NUP107: variants seen among roughly 807,000 people sequenced by gnomAD.
NUP107 encodes the protein nuclear pore complex protein Nup107.
Under a neutral mutation model 141.0 loss-of-function variants are expected in NUP107, and 101 were observed. That is an observed-to-expected ratio of 0.72 (90% CI 0.61 to 0.84). The LOEUF (loss-of-function observed/expected upper bound fraction) is 0.84, where lower values mean the gene tolerates loss of function less well. NUP107 is among the 40% of genes least tolerant of loss of function. The pLI is 0.00. For synonymous variants in NUP107, 319 were observed against 363.9 expected, an observed-to-expected ratio of 0.88 and a Z score of 1.41; for missense variants, 941 against 1,102.7, an observed-to-expected ratio of 0.85 and a Z score of 2.08.
chr12:68,698,374 C>G (rs1350245773), intron 6 of NUP107, among the ~76,000 whole-genome samples: 1 of 152,218 alleles, frequency 6.6e-6, no homozygotes, highest in East Asian at 1.9e-4. Flanking sequence ...ACAACTATAG[C>G]TACTTTGGAA....
At chr12:68,730,936 C>T (rs993408797) in intron 20 of NUP107, among the ~76,000 whole-genome samples, 174 bp from the exon 21 acceptor site, 1 of 152,190 alleles carries the variant, frequency 6.6e-6, no homozygotes, top group African/African-American at 2.4e-5. Context: ...CCACTGTACC[C>T]TAACCTGGGT....
chr12:68,719,529 G>T, intron 13 of NUP107, 49 bp from the exon 14 acceptor site: 3 of 1,563,906 alleles, frequency 1.9e-6, no homozygotes, highest in Non-Finnish European at 2.6e-6. Context: ...AGAAAGAATT[G>T]TAATAAGGTC....
chr12:68,733,332 G>T, intron 23 of NUP107, 120 bp from the exon 24 acceptor site: 2 of 824,006 alleles, frequency 2.4e-6, no homozygotes, highest in Non-Finnish European at 1.9e-6. Context: ...TTAACAGAGT[G>T]CCTTGGGCCC....
chr12:68,733,770 C>T (rs187899445), intron 24 of NUP107, among the ~76,000 whole-genome samples, 158 bp downstream of exon 24: 2 of 152,174 alleles, frequency 1.3e-5, no homozygotes, highest in African/African-American at 4.8e-5. Flanking sequence ...ACTTCATGAC[C>T]TTATCTTCAT....
chr12:68,722,288 CGAA>C (rs1386023521), intron 17 of NUP107, 136 bp downstream of exon 17: 9 of 667,520 alleles, frequency 1.3e-5, no homozygotes, highest in Admixed American at 3.7e-5. Context: ...TTCTTTGAAA[CGAA>C]GAAACTTAAT....
chr12:68,723,149 G>A (rs999010308), intron 17 of NUP107, among the ~76,000 whole-genome samples: 3 of 152,112 alleles, frequency 2.0e-5, no homozygotes, highest in Non-Finnish European at 2.9e-5. Context: ...CAAGATGGGA[G>A]GATCACTTGA....
intron 17 of NUP107, among the ~76,000 whole-genome samples, chr12:68,724,035 C>T (rs1877458049): frequency 1.3e-5 from 2 of 151,912 alleles, no homozygotes; most frequent in Admixed American, 1.3e-4. Context: ...AAGGGAAGAA[C>T]ATTTATATAT....
chr12:68,713,700 A>T (rs754490794), intron 10 of NUP107, 30 bp from the exon 11 acceptor site: 2 of 1,516,256 alleles, frequency 1.3e-6, no homozygotes, highest in Non-Finnish European at 1.8e-6. Flanking sequence ...ATTACCTCTT[A>T]AAAAATTTGG....
chr12:68,735,954 C>T (rs545337245), intron 26 of NUP107, among the ~76,000 whole-genome samples: 6 of 152,250 alleles, frequency 3.9e-5, no homozygotes, highest in African/African-American at 7.2e-5. Context: ...GGAACTGGAA[C>T]GTATGCTTGA....
intron 17 of NUP107, among the ~76,000 whole-genome samples, chr12:68,722,422 A>C (rs1877394504): frequency 6.6e-6 from 1 of 152,084 alleles, no homozygotes; most frequent in Non-Finnish European, 1.5e-5. Context: ...AATTATTAAG[A>C]CTTTATTTTC....
chr12:68,694,798 G>A (rs543842608), intron 5 of NUP107, among the ~76,000 whole-genome samples: 1 of 152,338 alleles, frequency 6.6e-6, no homozygotes, highest in East Asian at 1.9e-4. Flanking sequence ...CTACTCGGGA[G>A]ACTGAGGCAG....
At chr12:68,689,832 C>G (rs912632200) in intron 3 of NUP107, 47 of 461,958 alleles carry the variant, frequency 1.0e-4, no homozygotes, top group African/African-American at 9.3e-4. Flanking sequence ...ATTGTTGGCC[C>G]TGTTTTACCA....
chr12:68,710,398 C>T (rs1438754386), intron 10 of NUP107, among the ~76,000 whole-genome samples: 2 of 152,178 alleles, frequency 1.3e-5, no homozygotes, highest in African/African-American at 4.8e-5. Flanking sequence ...TGGCTCACGC[C>T]TGTAATCCCA....
At chr12:68,722,240 A>C in intron 17 of NUP107, 88 bp downstream of exon 17, 1 of 1,069,644 alleles carries the variant, frequency 9.3e-7, no homozygotes, top group Non-Finnish European at 1.3e-6. Flanking sequence ...AAAAGGTGGA[A>C]CTTTCTCCCT....
Position 68,731,733 on chromosome 12 carries a change from G to A in NUP107, c.1998+14G>A. On this transcript the variant is annotated intron_variant, in intron 22 of 27. Transcript: ENST00000229179. The stretch of plus-strand genomic sequence containing the variant: ...GGCACTACTGAGGTAATTTGGGATG[G>A]GGGGGCAGAGGTTTCTATAACTTCT... 7.4e-7 allele frequency: 1 copy of A among 1,358,276 alleles called. No individual in the cohort carries two copies. The highest frequency in any genetic ancestry group is 1.0e-6 in the Non-Finnish European group (1 of 990,080). 84.1% of individuals were successfully genotyped at this position (1,358,276 alleles called of 1,614,324 possible). A position where few individuals can be genotyped will look rare whatever the true frequency, so the allele number is the denominator to read the frequency against.
rs755606777 is a variant in NUP107 at position 68,726,493 on chromosome 12, T to A, written c.1577-6T>A. The A allele has an allele frequency of 1.9e-6, 3 of 1,569,934 alleles. No individual in the cohort carries two copies. The highest frequency in any genetic ancestry group is 2.6e-6 in the Non-Finnish European group (3 of 1,140,372). ...ATTGTTGAATCTTCACTTTGATGGC[T>A]TGTAGGTTTGATGGATGAGTTTAGC... On this transcript the variant is annotated splice_polypyrimidine_tract_variant and splice_region_variant and intron_variant, in intron 18 of 27. Transcript: ENST00000229179.
At chr12:68,738,754 A>C (rs922374291) in intron 26 of NUP107, among the ~76,000 whole-genome samples, 1 of 152,114 alleles carries the variant, frequency 6.6e-6, no homozygotes, top group African/African-American at 2.4e-5. Context: ...CACTACCTCT[A>C]CCTCTAGCAC....
chr12:68,722,850 C>T (rs1877412653), intron 17 of NUP107, among the ~76,000 whole-genome samples: 1 of 151,734 alleles, frequency 6.6e-6, no homozygotes, highest in African/African-American at 2.4e-5. Context: ...TTAATCATTC[C>T]CCTTTGGGTA....
In NUP107 at chr12:68,733,439, T is replaced by G; in HGVS notation, c.2102-13T>G. ...GTCCGTAGGCATTCAAAATTGTGTA[T>G]CTTTTTTCACAGCATCAAAAAAGCA... On this transcript the variant is annotated splice_polypyrimidine_tract_variant and intron_variant, in intron 23 of 27. Coordinates refer to ENST00000229179, the MANE Select transcript of NUP107 (RefSeq NM_020401.4). The G allele has an allele frequency of 6.2e-7, 1 of 1,604,280 alleles. No homozygotes were observed. Among genetic ancestry groups the G allele is most frequent in the Non-Finnish European group, 8.5e-7 (1 of 1,175,380 alleles).
Sources: gnomAD v4.1 joint callset for allele counts (sites outside exome capture counted in the v4.1 genomes callset) on GRCh38, gnomAD v4.1.1 for gene constraint, MANE v1.5 for transcripts, NCBI Gene and HGNC (gene_info 2026-07-23, HGNC 2026-07-21) for gene names.